DCAF8L2: variants seen among roughly 807,000 people sequenced by gnomAD.
DCAF8L2 encodes the protein DDB1- and CUL4-associated factor 8-like protein 2.
For missense variants in DCAF8L2, 430 were observed against 490.7 expected (o/e 0.88, Z 1.17); for synonymous variants, 200 against 190.9 (o/e 1.05, Z -0.39).
chrX:27,582,859 T>C, the DCAF8L2 span, among the ~76,000 whole-genome samples: 3 of 111,137 alleles, frequency 2.7e-5, no homozygotes, highest in Non-Finnish European at 5.7e-5. Context: ...AACATGGTTA[T>C]GTTAACCATG....
At chrX:27,485,583 T>C in the DCAF8L2 span, among the ~76,000 whole-genome samples, 452 of 111,603 alleles carry the variant, frequency 4.1e-3, 1 homozygote, top group Non-Finnish European at 7.3e-3. Context: ...AAAATACAAA[T>C]GAACAAGTTG....
intron 1 of DCAF8L2, among the ~76,000 whole-genome samples, chrX:27,607,208 G>A (rs1394993824): frequency 8.9e-6 from 1 of 111,776 alleles, no homozygotes; most frequent in Non-Finnish European, 1.9e-5. Context: ...GTTTATGAAG[G>A]TACAGAGGAA....
At chrX:27,658,288 G>A (rs1016618717) in intron 2 of DCAF8L2, among the ~76,000 whole-genome samples, 2 of 111,526 alleles carry the variant, frequency 1.8e-5, no homozygotes, top group Admixed American at 9.6e-5. Context: ...AAACAACAGG[G>A]CAAAATTAAA....
chrX:27,610,547 T>A (rs893967376), intron 1 of DCAF8L2, among the ~76,000 whole-genome samples: 4 of 112,122 alleles, frequency 3.6e-5, no homozygotes, highest in African/African-American at 1.3e-4. Flanking sequence ...ATTTTTTATT[T>A]AATGGAATTT....
intron 4 of DCAF8L2, among the ~76,000 whole-genome samples, chrX:27,723,479 T>G (rs1931969869): frequency 9.0e-6 from 1 of 110,850 alleles, no homozygotes; most frequent in South Asian, 3.7e-4. Context: ...AAATAGAAAA[T>G]GATTCTGAGT....
In DCAF8L2 at chrX:27,606,230, A is replaced by AATATATATATATAGGAATTAT. The variant is rs1569157770; in HGVS notation, c.-342+15803_-342+15804insGGAATTATATATATATATATA. ...ACATTGTTTTTAATTCCTAGATACA[A>AATATATATATATAGGAATTAT]ATATATATATATATAGGAATTATAT... On this transcript the variant is annotated intron_variant, in intron 1 of 4. Coordinates refer to ENST00000451261, the MANE Select transcript of DCAF8L2 (RefSeq NM_001353450.2). Among the ~76,000 whole-genome samples the AATATATATATATAGGAATTAT allele has an allele frequency of 5.3e-3, 440 of 82,681 alleles. 18 individuals are homozygous for AATATATATATATAGGAATTAT. The East Asian group carries it at 0.072, about 14-fold the overall frequency. 71.8% of individuals were successfully genotyped at this position (82,681 alleles called of 115,157 possible).
At chrX:27,701,042 C>G (rs1931111864) in intron 3 of DCAF8L2, among the ~76,000 whole-genome samples, 1 of 111,148 alleles carries the variant, frequency 9.0e-6, no homozygotes, top group African/African-American at 3.3e-5. Flanking sequence ...TTCTCAATTT[C>G]TCATCCTGCA....
At chrX:27,654,896 A>T (rs1443404057) in intron 2 of DCAF8L2, among the ~76,000 whole-genome samples, 1 of 111,453 alleles carries the variant, frequency 9.0e-6, no homozygotes, top group Non-Finnish European at 1.9e-5. Flanking sequence ...AATATATGTC[A>T]TTAACGTAAC....
intron 4 of DCAF8L2, among the ~76,000 whole-genome samples, chrX:27,727,535 C>T (rs190009224): frequency 8.9e-6 from 1 of 111,808 alleles, no homozygotes; most frequent in African/African-American, 3.2e-5. Flanking sequence ...TCTGTATCAA[C>T]AGCACACTAT....
chrX:27,614,310 A>G (rs1365520095), intron 1 of DCAF8L2, among the ~76,000 whole-genome samples: 17 of 109,630 alleles, frequency 1.6e-4, no homozygotes, highest in African/African-American at 4.3e-4. Flanking sequence ...CCCCTTTATC[A>G]TTTTTTATTG....
At chrX:27,719,159 T>C (rs1931802736) in intron 4 of DCAF8L2, among the ~76,000 whole-genome samples, 1 of 111,295 alleles carries the variant, frequency 9.0e-6, no homozygotes, top group African/African-American at 3.3e-5. Context: ...GCTGCAACAT[T>C]TTGCATCCCC....
the DCAF8L2 span, among the ~76,000 whole-genome samples, chrX:27,491,576 C>G: frequency 8.9e-6 from 1 of 112,245 alleles, no homozygotes; most frequent in South Asian, 3.6e-4. Flanking sequence ...GCATTTCTGT[C>G]CAATGTTTAG....
intron 1 of DCAF8L2, among the ~76,000 whole-genome samples, chrX:27,591,554 A>G (rs1340395894): frequency 1.8e-5 from 2 of 111,622 alleles, no homozygotes; most frequent in African/African-American, 3.3e-5. Context: ...AGAAACTGCT[A>G]TTGAAAGCGT....
chrX:27,469,914 A>G, the DCAF8L2 span, among the ~76,000 whole-genome samples: 3 of 110,539 alleles, frequency 2.7e-5, no homozygotes, highest in Non-Finnish European at 3.8e-5. Context: ...GATTAAAGGC[A>G]TGCGCCACCC....
In DCAF8L2 at chrX:27,663,864, A is replaced by ATT. The variant is rs80069253; in HGVS notation, c.-219-13949_-219-13948dup. 8.5e-3 allele frequency among the ~76,000 whole-genome samples: 589 copies of ATT among 68,969 alleles called. 6 individuals carry two copies. The highest frequency in any genetic ancestry group is 0.017 in the Middle Eastern group (2 of 117). 59.9% of individuals were successfully genotyped at this position (68,969 alleles called of 115,157 possible). A position where few individuals can be genotyped will look rare whatever the true frequency, so the allele number is the denominator to read the frequency against. ...AGGTGTGTGCCACCACACCTGGCTAATTTTTTTTTTTTTTTTTTTTTTTTA... is the reference window on the plus strand; with the variant it reads ...AGGTGTGTGCCACCACACCTGGCTAATTTTTTTTTTTTTTTTTTTTTTTTTTA... On this transcript the variant is annotated intron_variant, in intron 2 of 4. Transcript: ENST00000451261.
the DCAF8L2 span, among the ~76,000 whole-genome samples, chrX:27,551,259 TG>T: frequency 2.7e-5 from 3 of 110,044 alleles, no homozygotes; most frequent in East Asian, 2.9e-4. Context: ...TGTAAGAAAT[TG>T]CCAAAGCCAC....
intron 3 of DCAF8L2, among the ~76,000 whole-genome samples, chrX:27,681,426 C>G (rs1354769813): frequency 9.0e-6 from 1 of 111,602 alleles, no homozygotes; most frequent in Non-Finnish European, 1.9e-5. Flanking sequence ...GTAACCAGGT[C>G]ATTAGAGCTG....
At chrX:27,553,505 C>A in the DCAF8L2 span, among the ~76,000 whole-genome samples, 1 of 110,611 alleles carries the variant, frequency 9.0e-6, no homozygotes, top group African/African-American at 3.3e-5. Context: ...TATATAATGA[C>A]CTTCTTTGTC....
chrX:27,651,383 A>G (rs1056436675), intron 2 of DCAF8L2, among the ~76,000 whole-genome samples: 13 of 110,958 alleles, frequency 1.2e-4, no homozygotes, highest in Admixed American at 3.9e-4. Flanking sequence ...ATTTTTACAA[A>G]CTTTATTCAT....
Sources: gnomAD v4.1 joint callset for allele counts (sites outside exome capture counted in the v4.1 genomes callset) on GRCh38, gnomAD v4.1.1 for gene constraint, MANE v1.5 for transcripts, NCBI Gene and HGNC (gene_info 2026-07-23, HGNC 2026-07-21) for gene names.